The following THSD4 variants were observed in gnomAD, a reference collection of about 807,000 sequenced individuals.
THSD4 encodes thrombospondin type 1 domain containing 4.
THSD4 carries 69 observed loss-of-function variants against 119.0 expected under a neutral mutation model. The ratio of observed to expected loss-of-function variants is 0.58; its 90% confidence interval spans 0.48 to 0.71. The LOEUF (loss-of-function observed/expected upper bound fraction) is 0.71, where lower values mean the gene tolerates loss of function less well. Ranked by LOEUF, THSD4 falls within the 30% of genes least tolerant of loss-of-function variation. THSD4 has a pLI of 0.00. For synonymous variants in THSD4, 524 were observed against 540.4 expected, an observed-to-expected ratio of 0.97 and a Z score of 0.42; for missense variants, 1,393 against 1,391.1, an observed-to-expected ratio of 1.00 and a Z score of -0.02.
rs75164061 is a variant in THSD4 at position 71,329,734 on chromosome 15, A to T, written c.1015+73019A>T. On this transcript the variant is annotated intron_variant, in intron 6 of 17. Coordinates refer to ENST00000261862, the MANE Select transcript of THSD4 (RefSeq NM_024817.3). ...ACTCACTCACAGACAGGGCTGTGGT[A>T]ACAATAAAATGAAGGGTGCTTAGCA... Among the ~76,000 whole-genome samples the T allele has an allele frequency of 5.6e-4, 85 of 152,336 alleles. No individual in the cohort carries two copies. In the East Asian group the frequency reaches 0.014, roughly 25 times the overall value.
intron 7 of THSD4, among the ~76,000 whole-genome samples, chr15:71,448,163 T>C (rs892164224): frequency 3.9e-5 from 6 of 152,206 alleles, no homozygotes; most frequent in Non-Finnish European, 7.3e-5. Context: ...ATAGCAGCCA[T>C]TAAAAGTTGT....
intron 7 of THSD4, among the ~76,000 whole-genome samples, chr15:71,423,609 C>G (rs987770074): frequency 6.6e-6 from 1 of 152,196 alleles, no homozygotes; most frequent in Admixed American, 6.5e-5. Flanking sequence ...GAAGGAGTTT[C>G]TCCCATAGAG....
At chr15:71,571,543 G>A (rs528716969) in intron 7 of THSD4, among the ~76,000 whole-genome samples, 8 of 152,254 alleles carry the variant, frequency 5.3e-5, no homozygotes, top group African/African-American at 1.4e-4. Context: ...AGGCAAGGTC[G>A]CCTCACCAAA....
At chr15:71,626,178 G>A (rs2050506219) in intron 7 of THSD4, among the ~76,000 whole-genome samples, 1 of 152,096 alleles carries the variant, frequency 6.6e-6, no homozygotes, top group African/African-American at 2.4e-5. Context: ...ACAATTTATG[G>A]TATCTTGTAA....
intron 14 of THSD4, 130 bp downstream of exon 14, chr15:71,748,724 G>C (rs1171287141): frequency 3.2e-5 from 39 of 1,203,196 alleles, no homozygotes; most frequent in Non-Finnish European, 4.4e-5. Context: ...AAAAGGCCCA[G>C]AGAGGAATTA....
chr15:71,395,623 C>A lies in THSD4; in HGVS notation c.1016-16064C>A, dbSNP rs968652039. Among the ~76,000 whole-genome samples, 2 of 152,074 alleles carry A rather than the reference C, an allele frequency of 1.3e-5. 1 individual carries two copies. Among genetic ancestry groups the A allele is most frequent in the South Asian group, 4.1e-4 (2 of 4,822 alleles). ...GGGCATGATGGTGCATGCCTATAAT[C>A]CCAGCTACTCAGGAGGCTGAGGCAG... On this transcript the variant is annotated intron_variant, in intron 6 of 17. Coordinates refer to ENST00000261862, the MANE Select transcript of THSD4 (RefSeq NM_024817.3).
chr15:71,732,671 T>C (rs2053003772), intron 10 of THSD4: 1 of 152,160 alleles, frequency 6.6e-6, no homozygotes, highest in Admixed American at 6.5e-5. Flanking sequence ...ATTAGCCTTA[T>C]TTTAAGAGTA....
At chr15:71,656,762 C>T (rs780594240) in intron 7 of THSD4, among the ~76,000 whole-genome samples, 1 of 152,202 alleles carries the variant, frequency 6.6e-6, no homozygotes, top group Admixed American at 6.5e-5. Flanking sequence ...TAGCCTTGGG[C>T]AAATTAACCT....
intron 3 of THSD4, among the ~76,000 whole-genome samples, chr15:71,207,330 A>G (rs1169823188): frequency 6.6e-6 from 1 of 152,150 alleles, no homozygotes; most frequent in African/African-American, 2.4e-5. Flanking sequence ...GCTGTGGTCA[A>G]TTACTGCCGC....
intron 7 of THSD4, among the ~76,000 whole-genome samples, chr15:71,457,503 C>A (rs2047357430): frequency 6.6e-6 from 1 of 151,550 alleles, no homozygotes; most frequent in Non-Finnish European, 1.5e-5. Context: ...TTGCTGTGGA[C>A]AACAGGGTCC....
intron 10 of THSD4, among the ~76,000 whole-genome samples, chr15:71,734,582 G>A (rs1410317445): frequency 2.0e-5 from 3 of 152,146 alleles, no homozygotes; most frequent in African/African-American, 7.2e-5. Context: ...GCATGTCACT[G>A]TGCACTTGTC....
intron 7 of THSD4, among the ~76,000 whole-genome samples, chr15:71,576,277 G>A (rs1290750112): frequency 1.3e-5 from 2 of 152,104 alleles, no homozygotes. Flanking sequence ...CATGCATCAG[G>A]ACCTTAACAG....
intron 11 of THSD4, among the ~76,000 whole-genome samples, chr15:71,739,406 G>T (rs1036224352): frequency 2.0e-5 from 3 of 152,208 alleles, no homozygotes; most frequent in Non-Finnish European, 4.4e-5. Context: ...AAGTAGGGTT[G>T]TGATAGGCTG....
intron 3 of THSD4, among the ~76,000 whole-genome samples, chr15:71,163,789 A>G (rs573729100): frequency 1.7e-4 from 26 of 150,690 alleles, no homozygotes; most frequent in Non-Finnish European, 3.3e-4. Context: ...CAGCATTTTC[A>G]TAGTCTTCAC....
At chr15:71,741,691 ACACACACAC>A (rs2053238922) in intron 11 of THSD4, among the ~76,000 whole-genome samples, 1 of 18,954 alleles carries the variant, frequency 5.3e-5, no homozygotes, top group Non-Finnish European at 2.4e-4. Flanking sequence ...ATGTACACAC[ACACACACAC>A]ACACACACAC....
intron 17 of THSD4, among the ~76,000 whole-genome samples, chr15:71,773,931 AAATT>A (rs2053866977): frequency 6.6e-6 from 1 of 152,214 alleles, no homozygotes; most frequent in African/African-American, 2.4e-5. Flanking sequence ...AGTAGACAGA[AAATT>A]AAATCCCCAA....
At chr15:71,713,852 T>C (rs950914002) in intron 8 of THSD4, among the ~76,000 whole-genome samples, 1 of 152,134 alleles carries the variant, frequency 6.6e-6, no homozygotes, top group African/African-American at 2.4e-5. Context: ...TTAAAAGGAT[T>C]TGTGGATGGA....
chr15:71,141,651 G>A, intron 2 of THSD4, 95 bp downstream of exon 2: 3 of 1,355,124 alleles, frequency 2.2e-6, no homozygotes, highest in Non-Finnish European at 3.0e-6. Context: ...GATCTTAAGG[G>A]TCTGCAGCTG....
At chr15:71,476,332 A>G (rs1053344946) in intron 7 of THSD4, among the ~76,000 whole-genome samples, 17 of 152,156 alleles carry the variant, frequency 1.1e-4, no homozygotes, top group Admixed American at 7.9e-4. Flanking sequence ...CCCAGGTTCA[A>G]GCGATTCTCC....
Sources: allele counts gnomAD v4.1 joint callset (sites outside exome capture counted in the v4.1 genomes callset), GRCh38; gene constraint gnomAD v4.1.1; transcripts MANE v1.5; gene names NCBI Gene and HGNC (gene_info 2026-07-23, HGNC 2026-07-21).